Variants in CTNNA2 observed in about 807,000 individuals in gnomAD.
CTNNA2 encodes the protein catenin alpha-2.
A neutral mutation model predicts 101.0 loss-of-function variants in CTNNA2; 42 were observed. The observed-to-expected ratio is 0.42, with a 90% CI of 0.32 to 0.54. The LOEUF (loss-of-function observed/expected upper bound fraction) is 0.54. Among genes scored for constraint, CTNNA2 ranks in the 20% least tolerant of loss-of-function variants. The probability of loss-of-function intolerance (pLI) is 0.14; values close to 1 mark genes in which losing one functional copy is unlikely to be tolerated. For synonymous variants in CTNNA2, 450 were observed against 456.4 expected, an observed-to-expected ratio of 0.99 and a Z score of 0.18; for missense variants, 871 against 1,223.1, an observed-to-expected ratio of 0.71 and a Z score of 4.29.
intron 3 of CTNNA2, among the ~76,000 whole-genome samples, chr2:79,826,578 T>C (rs967255752): frequency 2.6e-5 from 4 of 152,230 alleles, no homozygotes; most frequent in African/African-American, 9.6e-5. Context: ...TTCTGGGATC[T>C]AGCAAGGAAT....
chr2:79,684,775 A>G (rs1051000187), intron 2 of CTNNA2, among the ~76,000 whole-genome samples: 17 of 152,190 alleles, frequency 1.1e-4, no homozygotes, highest in African/African-American at 3.4e-4. Context: ...TGAAATGACT[A>G]TACACATTTC....
intron 7 of CTNNA2, among the ~76,000 whole-genome samples, chr2:80,246,632 T>A (rs1366921546): frequency 9.2e-5 from 14 of 152,184 alleles, no homozygotes. Flanking sequence ...GATGTCATAA[T>A]ACCACAAACA....
intron 2 of CTNNA2, among the ~76,000 whole-genome samples, chr2:79,689,050 A>G (rs1404003833): frequency 6.6e-6 from 1 of 151,456 alleles, no homozygotes; most frequent in Non-Finnish European, 1.5e-5. Flanking sequence ...GTCAGCTGGG[A>G]TCCGTCTTCC....
intron 1 of CTNNA2, among the ~76,000 whole-genome samples, chr2:79,567,523 T>C (rs1675187619): frequency 6.6e-6 from 1 of 152,090 alleles, no homozygotes; most frequent in Non-Finnish European, 1.5e-5. Flanking sequence ...TATTTTTCTT[T>C]CATATTTCTG....
At chr2:79,794,504 G>T (rs1247798019) in intron 3 of CTNNA2, among the ~76,000 whole-genome samples, 2 of 152,052 alleles carry the variant, frequency 1.3e-5, no homozygotes, top group East Asian at 3.9e-4. Flanking sequence ...CACCATGAAG[G>T]CCATAAACAT....
intron 3 of CTNNA2, among the ~76,000 whole-genome samples, chr2:79,830,464 G>A (rs1168200460): frequency 6.6e-6 from 1 of 151,896 alleles, no homozygotes; most frequent in African/African-American, 2.4e-5. Context: ...AAGTGGAGTG[G>A]GCTAAAAAAA....
intron 7 of CTNNA2, among the ~76,000 whole-genome samples, chr2:80,246,689 T>G (rs1434767199): frequency 6.6e-6 from 1 of 152,172 alleles, no homozygotes; most frequent in Non-Finnish European, 1.5e-5. Flanking sequence ...CACTGAGCAT[T>G]GAAGGATCCT....
At chr2:79,649,063 A>G (rs2104461374) in intron 1 of CTNNA2, among the ~76,000 whole-genome samples, 2 of 152,192 alleles carry the variant, frequency 1.3e-5, no homozygotes, top group Admixed American at 1.3e-4. Context: ...TCAGGACTGA[A>G]GGCCCTAACT....
At chr2:80,366,898 A>G (rs957979790) in intron 7 of CTNNA2, among the ~76,000 whole-genome samples, 1 of 152,132 alleles carries the variant, frequency 6.6e-6, no homozygotes, top group African/African-American at 2.4e-5. Context: ...ACATCAATCA[A>G]TATATGACAG....
At chr2:79,830,144 A>G (rs1461616558) in intron 3 of CTNNA2, among the ~76,000 whole-genome samples, 3 of 152,088 alleles carry the variant, frequency 2.0e-5, no homozygotes, top group Admixed American at 2.0e-4. Context: ...TGCAATACGA[A>G]ACATGTCTCA....
chr2:80,165,241 TC>T (rs1218383147), intron 7 of CTNNA2, among the ~76,000 whole-genome samples: 2 of 152,016 alleles, frequency 1.3e-5, no homozygotes, highest in African/African-American at 4.8e-5. Flanking sequence ...ATTTTTTTTT[TC>T]AATCTGGTTT....
intron 4 of CTNNA2, among the ~76,000 whole-genome samples, chr2:79,427,548 T>C (rs1573161014): frequency 6.6e-6 from 1 of 151,974 alleles, no homozygotes; most frequent in Non-Finnish European, 1.5e-5. Context: ...TTCCATTCTC[T>C]AAAAGATTCT....
intron 2 of CTNNA2, among the ~76,000 whole-genome samples, chr2:79,737,177 G>A (rs12993538): frequency 0.2 from 30,169 of 151,882 alleles, 3,187 homozygotes; most frequent in Non-Finnish European, 0.25. Context: ...GCGAAACCCC[G>A]TCTCTACTAA....
At chr2:79,678,746 A>G (rs1250089895) in intron 2 of CTNNA2, among the ~76,000 whole-genome samples, 5 of 151,730 alleles carry the variant, frequency 3.3e-5, no homozygotes, top group Non-Finnish European at 5.9e-5. Context: ...TTCAAGACAG[A>G]ATTGTGGCCT....
chr2:80,080,451 T>G (rs779410117), intron 7 of CTNNA2, among the ~76,000 whole-genome samples: 10 of 152,128 alleles, frequency 6.6e-5, no homozygotes, highest in Non-Finnish European at 1.3e-4. Context: ...CTTTACTAAA[T>G]GTACAAAAAT....
chr2:80,522,100 G>A (rs1689609019), intron 9 of CTNNA2, among the ~76,000 whole-genome samples: 1 of 152,202 alleles, frequency 6.6e-6, no homozygotes, highest in Non-Finnish European at 1.5e-5. Context: ...CCTGGATCCT[G>A]TGTTTCTCTT....
chr2:79,633,803 G>A (rs1016361554), intron 1 of CTNNA2: 2 of 152,294 alleles, frequency 1.3e-5, no homozygotes, highest in Middle Eastern at 3.4e-3. Context: ...CTCTATTATT[G>A]AAGAACCATT....
At chr2:80,228,823 T>C (rs1709039226) in intron 7 of CTNNA2, among the ~76,000 whole-genome samples, 1 of 152,222 alleles carries the variant, frequency 6.6e-6, no homozygotes, top group African/African-American at 2.4e-5. Flanking sequence ...TACTGCTTAT[T>C]CCCTTATGAT....
intron 2 of CTNNA2, among the ~76,000 whole-genome samples, chr2:79,684,937 G>T (rs1210546474): frequency 6.6e-6 from 1 of 152,036 alleles, no homozygotes; most frequent in Non-Finnish European, 1.5e-5. Flanking sequence ...TCATGAGCTG[G>T]GAAATTCTTA....
Sources: gnomAD v4.1 joint callset for allele counts (sites outside exome capture counted in the v4.1 genomes callset) on GRCh38, gnomAD v4.1.1 for gene constraint, MANE v1.5 for transcripts, NCBI Gene and HGNC (gene_info 2026-07-23, HGNC 2026-07-21) for gene names.